Variants in STK33 observed in about 807,000 individuals in gnomAD.
STK33 encodes the protein serine/threonine kinase 33.
In STK33, 52 loss-of-function variants were observed where a neutral mutation model predicts 58.0. The observed-to-expected ratio is 0.90, with a 90% CI of 0.72 to 1.13. The LOEUF (loss-of-function observed/expected upper bound fraction) is 1.13. Ranked by LOEUF, STK33 falls within the 50% of genes most tolerant of loss-of-function variation. The probability of loss-of-function intolerance (pLI) is 0.00; values close to 1 mark genes in which losing one functional copy is unlikely to be tolerated. For synonymous variants in STK33, 215 were observed against 200.1 expected (o/e 1.07, Z -0.63); for missense variants, 630 against 604.2 (o/e 1.04, Z -0.45).
At chr11:8,508,906 C>T (rs1378248033) in intron 1 of STK33, among the ~76,000 whole-genome samples, 2 of 152,062 alleles carry the variant, frequency 1.3e-5, no homozygotes, top group African/African-American at 4.8e-5. Flanking sequence ...CACCTGAGAT[C>T]GAGAGTTCGA....
chr11:8,566,758 G>C (rs1957471475), intron 1 of STK33, among the ~76,000 whole-genome samples: 1 of 152,154 alleles, frequency 6.6e-6, no homozygotes, highest in Admixed American at 6.5e-5. Context: ...TAAGAAAGCA[G>C]CAAATATTTA....
At chr11:8,409,415 G>A (rs1353191554) in intron 15 of STK33, among the ~76,000 whole-genome samples, 4 of 152,120 alleles carry the variant, frequency 2.6e-5, no homozygotes, top group Non-Finnish European at 5.9e-5. Context: ...CCCTTTTAAC[G>A]TTCCATCAGC....
Position 8,471,559 on chromosome 11 carries a change from A to T in STK33, c.339+1604T>A, listed in dbSNP as rs867650765. 2.6e-4 allele frequency among the ~76,000 whole-genome samples: 39 copies of T among 152,286 alleles called. No individual in the cohort carries two copies. The South Asian group carries it at 3.1e-3, about 12-fold the overall frequency. ...GTTCATCTAAATATTAATAGTAGCT[A>T]TGTAAGGGTAATAGAATTGTGGATG... On this transcript the variant is annotated intron_variant, in intron 6 of 15. Transcript: ENST00000687296.
At chr11:8,399,194 C>T (rs1849931986) in intron 15 of STK33, among the ~76,000 whole-genome samples, 1 of 152,120 alleles carries the variant, frequency 6.6e-6, no homozygotes, top group Non-Finnish European at 1.5e-5. Flanking sequence ...ACACCTATTC[C>T]AAAATTGACC....
intron 14 of STK33, among the ~76,000 whole-genome samples, chr11:8,423,724 C>A (rs1942287051): frequency 1.3e-5 from 2 of 151,900 alleles, no homozygotes; most frequent in Non-Finnish European, 2.9e-5. Flanking sequence ...CTAGAATAAG[C>A]TTGTCATATT....
intron 15 of STK33, among the ~76,000 whole-genome samples, chr11:8,394,988 T>C (rs895342930): frequency 6.6e-6 from 1 of 152,188 alleles, no homozygotes; most frequent in African/African-American, 2.4e-5. Flanking sequence ...AGACAACCAA[T>C]ATTGTCAATT....
At chr11:8,520,801 C>A (rs891070626) in intron 1 of STK33, among the ~76,000 whole-genome samples, 1 of 152,042 alleles carries the variant, frequency 6.6e-6, no homozygotes, top group Non-Finnish European at 1.5e-5. Flanking sequence ...TGTGAAGGAC[C>A]TCTTCAAGGA....
intron 15 of STK33, among the ~76,000 whole-genome samples, chr11:8,410,875 T>C (rs1005303639): frequency 6.6e-6 from 1 of 152,250 alleles, no homozygotes; most frequent in African/African-American, 2.4e-5. Context: ...AATTCCATAA[T>C]GGAAATATAC....
chr11:8,521,917 C>A (rs183855410), intron 1 of STK33, among the ~76,000 whole-genome samples: 1 of 152,032 alleles, frequency 6.6e-6, no homozygotes. Context: ...CAAACCAAAA[C>A]CACAATGAGA....
intron 15 of STK33, among the ~76,000 whole-genome samples, chr11:8,396,301 A>C (rs1428863882): frequency 6.6e-6 from 1 of 152,102 alleles, no homozygotes; most frequent in Non-Finnish European, 1.5e-5. Context: ...GCAGGGTTTC[A>C]CCATGTTGGC....
intron 1 of STK33, among the ~76,000 whole-genome samples, chr11:8,543,185 T>C (rs1459415438): frequency 6.6e-6 from 1 of 152,208 alleles, no homozygotes; most frequent in Non-Finnish European, 1.5e-5. Context: ...CCCTATGATA[T>C]GGTTTTCCAA....
intron 1 of STK33, among the ~76,000 whole-genome samples, chr11:8,502,190 A>G (rs866906117): frequency 2.6e-5 from 4 of 152,174 alleles, no homozygotes; most frequent in Admixed American, 1.3e-4. Context: ...GTCCCTAAAA[A>G]TTTGCCAAAA....
intron 10 of STK33, 65 bp from the exon 11 acceptor site, chr11:8,452,971 T>A: frequency 7.4e-7 from 1 of 1,354,322 alleles, no homozygotes; most frequent in South Asian, 1.2e-5. Flanking sequence ...ATTCTGAAGA[T>A]AAGACTTCAC....
intron 1 of STK33, among the ~76,000 whole-genome samples, chr11:8,509,778 A>C (rs1190609323): frequency 3.9e-5 from 6 of 151,980 alleles, no homozygotes; most frequent in African/African-American, 1.5e-4. Flanking sequence ...TCCTTTCCTG[A>C]GTTACTTCAG....
chr11:8,368,959 C>T, the STK33 span, among the ~76,000 whole-genome samples: 2 of 152,154 alleles, frequency 1.3e-5, no homozygotes, highest in Admixed American at 6.5e-5. Flanking sequence ...CTGTTACCAC[C>T]GCAGAAGCCA....
At chr11:8,366,148 G>A in the STK33 span, among the ~76,000 whole-genome samples, 8 of 152,252 alleles carry the variant, frequency 5.3e-5, no homozygotes, top group Admixed American at 2.0e-4. Flanking sequence ...TAGAGAAGAA[G>A]TTGCTGAAGC....
intron 10 of STK33, among the ~76,000 whole-genome samples, chr11:8,453,386 T>C (rs1946508962): frequency 6.6e-6 from 1 of 152,214 alleles, no homozygotes; most frequent in African/African-American, 2.4e-5. Context: ...TCTCCTTTTT[T>C]ATAATTATTT....
chr11:8,338,621 T>C, the STK33 span, among the ~76,000 whole-genome samples: 2 of 152,110 alleles, frequency 1.3e-5, no homozygotes, highest in Non-Finnish European at 2.9e-5. Context: ...GTGGTGGGTA[T>C]AATAATTATT....
intron 14 of STK33, among the ~76,000 whole-genome samples, chr11:8,417,536 G>T (rs989420329): frequency 6.6e-6 from 1 of 152,062 alleles, no homozygotes; most frequent in Non-Finnish European, 1.5e-5. Context: ...ATATGAGCTG[G>T]GGTGAGATGG....
Sources: allele counts gnomAD v4.1 joint callset (sites outside exome capture counted in the v4.1 genomes callset), GRCh38; gene constraint gnomAD v4.1.1; transcripts MANE v1.5; gene names NCBI Gene and HGNC (gene_info 2026-07-23, HGNC 2026-07-21).